The following SPON2 variants were observed in gnomAD, a reference collection of about 807,000 sequenced individuals.
SPON2 encodes spondin-2.
Under a neutral mutation model 29.9 loss-of-function variants are expected in SPON2, and 32 were observed. The ratio of observed to expected loss-of-function variants is 1.07; its 90% CI spans 0.81 to 1.44. The LOEUF (loss-of-function observed/expected upper bound fraction) is 1.44, where lower values mean the gene tolerates loss of function less well. Among genes scored for constraint, SPON2 ranks in the 40% most tolerant of loss-of-function variants. SPON2 has a pLI of 0.00. For synonymous variants in SPON2, 248 were observed against 209.1 expected (o/e 1.19, Z -1.61); for missense variants, 541 against 455.5 (o/e 1.19, Z -1.71).
intron 5 of SPON2, 69 bp from the exon 6 acceptor site, chr4:1,167,725 A>G (rs1402982044): frequency 2.7e-6 from 4 of 1,486,000 alleles, no homozygotes; most frequent in South Asian, 2.7e-5. Context: ...AACGGAAGCC[A>G]CCTCCCACCA....
intron 1 of SPON2, among the ~76,000 whole-genome samples, chr4:1,184,227 C>T (rs1021897013): frequency 6.6e-6 from 1 of 152,140 alleles, no homozygotes; most frequent in African/African-American, 2.4e-5. Context: ...CCTCAGTCTC[C>T]CAAAGTGCTG....
upstream of SPON2, chr4:1,208,419 C>G (rs377264965): frequency 1.0e-4 from 16 of 152,482 alleles, no homozygotes; most frequent in African/African-American, 3.6e-4. Context: ...CCTGCAGCCT[C>G]CCCTTGCTCC....
upstream of SPON2, among the ~76,000 whole-genome samples, chr4:1,174,591 T>C (rs1277133204): frequency 6.6e-6 from 1 of 152,118 alleles, no homozygotes; most frequent in Non-Finnish European, 1.5e-5. Context: ...TGGATACTTA[T>C]CATTTTCTAA....
rs1421464990 is a variant in SPON2, at chr4:1,202,856, C to G, written c.-234+5024G>C. On this transcript the variant is annotated intron_variant, in intron 1 of 3. Transcript: ENST00000509233. The surrounding 1 kb of genome is among the most constrained non-coding windows in gnomAD (Gnocchi z 5.4). ...TGCCGTCAAGGCCCCCCGCATGTGC[C>G]TTTGGGAGCGATGGTTGGAGCTGCG... is the stretch of plus-strand genomic sequence containing the variant. 1.3e-5 allele frequency among the ~76,000 whole-genome samples: 2 copies of G among 152,202 alleles called. No individual in the cohort carries two copies. The highest frequency in any genetic ancestry group is 2.9e-5 in the Non-Finnish European group (2 of 68,046).
chr4:1,183,613 AATTATTAATTT>A (rs1272167199), intron 1 of SPON2, among the ~76,000 whole-genome samples: 1 of 152,192 alleles, frequency 6.6e-6, no homozygotes, highest in Non-Finnish European at 1.5e-5. Context: ...CATTTTTTAA[AATTATTAATTT>A]ATGTTTTGAG....
intron 1 of SPON2, among the ~76,000 whole-genome samples, chr4:1,204,267 T>G (rs889753540): frequency 1.3e-5 from 2 of 152,210 alleles, no homozygotes; most frequent in Non-Finnish European, 2.9e-5. Flanking sequence ...TACCTTACCC[T>G]GGAGCCGATA....
chr4:1,194,136 G>T (rs1727982444), intron 1 of SPON2, among the ~76,000 whole-genome samples: 1 of 152,128 alleles, frequency 6.6e-6, no homozygotes, highest in African/African-American at 2.4e-5. Flanking sequence ...TTTGGGCACA[G>T]CAGGCAGTGC....
At position 1,202,593 on chromosome 4, in the gene SPON2, A is replaced by G. The variant is rs975137717; in HGVS notation, c.-234+5287T>C. 6.6e-6 allele frequency among the ~76,000 whole-genome samples: 1 copy of G among 151,480 alleles called. No individual in the cohort carries two copies. Among genetic ancestry groups the G allele is most frequent in the African/African-American group, 2.4e-5 (1 of 41,112 alleles). ...TGTGGGCTCAGCCCACTCAGTGCTC[A>G]TGGGTCGGAGTCTCCTGCCTGCCGC... On this transcript the variant is annotated intron_variant, in intron 1 of 3. Coordinates refer to the SPON2 transcript ENST00000509233. The surrounding 1 kb of genome is among the most constrained non-coding windows in gnomAD (Gnocchi z 5.4).
chr4:1,178,671 A>G (rs1577902580), intron 2 of SPON2, among the ~76,000 whole-genome samples: 1 of 119,874 alleles, frequency 8.3e-6, no homozygotes, highest in African/African-American at 3.2e-5. Flanking sequence ...GCCTGGTCAT[A>G]CTCTGTCATG....
chr4:1,200,667 G>T (rs1576999540), intron 1 of SPON2: 1 of 375,506 alleles, frequency 2.7e-6, no homozygotes, highest in South Asian at 2.0e-5. Flanking sequence ...GGCAGCCACT[G>T]CAGGCCAGGT....
upstream of SPON2, chr4:1,199,724 T>G (rs1008846714): frequency 4.6e-5 from 7 of 152,326 alleles, no homozygotes; most frequent in African/African-American, 1.7e-4. This position sits in a 1 kb window ranked among gnomAD's most constrained non-coding sequence, Gnocchi z 4.5. Context: ...GCATCTTTCC[T>G]GGCTGTGGGG....
upstream of SPON2, among the ~76,000 whole-genome samples, chr4:1,176,852 CTTCA>C (rs200639036): frequency 0.02 from 3,002 of 151,834 alleles, 85 homozygotes; most frequent in African/African-American, 0.067. Context: ...CATTCACACA[CTTCA>C]TTCATTCATT....
intron 1 of SPON2, chr4:1,207,774 G>C (rs1324632158): frequency 6.5e-6 from 1 of 154,408 alleles, no homozygotes; most frequent in Non-Finnish European, 1.4e-5. Context: ...GGATGTTTTC[G>C]GACCCTACAT....
At chr4:1,205,985 A>G (rs1371589278) in intron 1 of SPON2, among the ~76,000 whole-genome samples, 1 of 151,996 alleles carries the variant, frequency 6.6e-6, no homozygotes, top group East Asian at 1.9e-4. Flanking sequence ...GTCTCCCTCC[A>G]GGCCCCCAAC....
Position 1,191,072 on chromosome 4 carries a change from C to CT in SPON2, c.-239+3917dup, listed in dbSNP as rs1265679965. 6.0e-5 allele frequency among the ~76,000 whole-genome samples: 9 copies of CT among 148,936 alleles called. No individual in the cohort carries two copies. In the Middle Eastern group the frequency reaches 0.01, roughly 174 times the overall value. On this transcript the variant is annotated intron_variant, in intron 1 of 3. Transcript: ENST00000502483. ...CCAATCCCCATCAAAATTCTAACTG[C>CT]TTTTTTTTTCTTTTTTTTTTTTTGC...
At chr4:1,199,253 C>A (rs1240310552), upstream of SPON2, 1 of 152,030 alleles carries the variant, frequency 6.6e-6, no homozygotes, top group Admixed American at 6.6e-5. This position sits in a 1 kb window ranked among gnomAD's most constrained non-coding sequence, Gnocchi z 4.5. Flanking sequence ...ACAAAATTAG[C>A]CGGGCGTGGT....
chr4:1,200,494 C>CG, intron 1 of SPON2: 1 of 292,236 alleles, frequency 3.4e-6, no homozygotes, highest in Non-Finnish European at 6.7e-6. Flanking sequence ...TCAGCGGGGG[C>CG]GGGGGCGGGC....
At chr4:1,192,599 T>C (rs775872290) in intron 1 of SPON2, among the ~76,000 whole-genome samples, 1 of 151,718 alleles carries the variant, frequency 6.6e-6, no homozygotes, top group African/African-American at 2.4e-5. Context: ...CAGCAGAGGG[T>C]GGCTCAGGCT....
At chr4:1,172,147 T>A in intron 1 of SPON2, 73 bp from the exon 2 acceptor site, 1 of 1,352,878 alleles carries the variant, frequency 7.4e-7, no homozygotes, top group African/African-American at 1.4e-5. Context: ...CCGAGAGGGC[T>A]GCGGCACTTT....
Sources: allele counts gnomAD v4.1 joint callset (sites outside exome capture counted in the v4.1 genomes callset), GRCh38; gene constraint gnomAD v4.1.1; non-coding constraint Gnocchi (gnomAD v3.1); transcripts MANE v1.5; gene names NCBI Gene and HGNC (gene_info 2026-07-23, HGNC 2026-07-21).